PARN: variants seen among roughly 807,000 people sequenced by gnomAD.
PARN encodes poly(A)-specific ribonuclease PARN.
A neutral mutation model predicts 102.8 loss-of-function variants in PARN; 71 were observed. The observed-to-expected ratio is 0.69, with a 90% CI of 0.57 to 0.84. PARN has a LOEUF of 0.84. Among genes scored for constraint, PARN ranks in the 40% least tolerant of loss-of-function variants. The probability of loss-of-function intolerance (pLI) is 0.00; values close to 1 mark genes in which losing one functional copy is unlikely to be tolerated. For missense variants in PARN, 782 were observed against 760.9 expected, an observed-to-expected ratio of 1.03 and a Z score of -0.33; for synonymous variants, 261 against 252.9, an observed-to-expected ratio of 1.03 and a Z score of -0.30.
chr16:14,511,286 T>G (rs1170293362), intron 21 of PARN, among the ~76,000 whole-genome samples: 1 of 152,186 alleles, frequency 6.6e-6, no homozygotes, highest in African/African-American at 2.4e-5. Flanking sequence ...TGAGATAGCT[T>G]GGCTTGTTCG....
At chr16:14,627,883 C>T (rs1422722514) in intron 3 of PARN, among the ~76,000 whole-genome samples, 3 of 152,140 alleles carry the variant, frequency 2.0e-5, no homozygotes, top group Non-Finnish European at 2.9e-5. Flanking sequence ...GTGGCTTGCG[C>T]CTGTAGTCCC....
intron 21 of PARN, among the ~76,000 whole-genome samples, chr16:14,537,917 T>A (rs1261601186): frequency 6.6e-6 from 1 of 152,140 alleles, no homozygotes; most frequent in African/African-American, 2.4e-5. Flanking sequence ...TATTATATAT[T>A]TTCAAAAAGC....
intron 23 of PARN, among the ~76,000 whole-genome samples, chr16:14,437,620 A>G (rs1471753698): frequency 1.3e-5 from 2 of 152,224 alleles, no homozygotes; most frequent in African/African-American, 4.8e-5. Context: ...GAGCATGTTC[A>G]TAATGGAAAG....
At chr16:14,553,256 TAA>T (rs58411352) in intron 20 of PARN, among the ~76,000 whole-genome samples, 50,741 of 117,924 alleles carry the variant, frequency 0.43, 10,168 homozygotes, top group South Asian at 0.54. Flanking sequence ...TATTTCTATT[TAA>T]AAAAAAAAAA....
chr16:14,564,845 C>G (rs1447434587), intron 18 of PARN, among the ~76,000 whole-genome samples: 5 of 152,102 alleles, frequency 3.3e-5, no homozygotes, highest in Non-Finnish European at 5.9e-5. Context: ...GACTACACTT[C>G]CGATTTCTCA....
chr16:14,506,678 T>C (rs781155460), intron 21 of PARN, among the ~76,000 whole-genome samples: 48 of 152,286 alleles, frequency 3.2e-4, no homozygotes, highest in Non-Finnish European at 5.4e-4. Flanking sequence ...AACTTGTCTA[T>C]AGGTTTGAAA....
At chr16:14,523,184 C>A (rs1265822081) in intron 21 of PARN, among the ~76,000 whole-genome samples, 5 of 150,756 alleles carry the variant, frequency 3.3e-5, no homozygotes, top group African/African-American at 4.9e-5. Flanking sequence ...TTAAACTATG[C>A]AAAGAAAAAC....
At chr16:14,606,439 C>T (rs1971188164) in intron 10 of PARN, 45 bp downstream of exon 10, 5 of 1,082,312 alleles carry the variant, frequency 4.6e-6, no homozygotes, top group African/African-American at 1.6e-5. Flanking sequence ...AACAGTGTAA[C>T]AATGGATGTG....
chr16:14,544,334 G>A (rs948676428), intron 21 of PARN, among the ~76,000 whole-genome samples: 3 of 152,164 alleles, frequency 2.0e-5, no homozygotes, highest in Non-Finnish European at 2.9e-5. Flanking sequence ...CAGCACTTTC[G>A]GAGGTCAATG....
intron 22 of PARN, among the ~76,000 whole-genome samples, chr16:14,458,709 G>A (rs1961805303): frequency 6.6e-6 from 1 of 152,160 alleles, no homozygotes; most frequent in Non-Finnish European, 1.5e-5. Context: ...AAACGAGCAG[G>A]TGATGAGGAC....
At chr16:14,459,926 ATATC>A (rs1961871655) in intron 22 of PARN, among the ~76,000 whole-genome samples, 1 of 152,206 alleles carries the variant, frequency 6.6e-6, no homozygotes, top group African/African-American at 2.4e-5. Context: ...GAATAATTGC[ATATC>A]TATATGCAAA....
chr16:14,549,052 A>G (rs1967136282), intron 21 of PARN, among the ~76,000 whole-genome samples: 1 of 152,142 alleles, frequency 6.6e-6, no homozygotes, highest in South Asian at 2.1e-4. Flanking sequence ...TGAAGCTGAG[A>G]TAAGGCAGGA....
At chr16:14,539,531 T>C (rs945659238) in intron 21 of PARN, among the ~76,000 whole-genome samples, 5 of 152,244 alleles carry the variant, frequency 3.3e-5, no homozygotes, top group South Asian at 2.1e-4. Context: ...ATTCTCCAAA[T>C]TGAACACATT....
chr16:14,606,587 T>A, intron 9 of PARN, 61 bp from the exon 10 acceptor site: 1 of 862,810 alleles, frequency 1.2e-6, no homozygotes, highest in Non-Finnish European at 1.9e-6. Context: ...TCCCAAAGTA[T>A]TTTATAAGCA....
At chr16:14,625,032 T>C (rs1351667313) in intron 5 of PARN, among the ~76,000 whole-genome samples, 1 of 151,130 alleles carries the variant, frequency 6.6e-6, no homozygotes, top group African/African-American at 2.4e-5. Flanking sequence ...AAGAACAAAG[T>C]GCCATCCCCA....
chr16:14,507,152 C>A (rs1031548413), intron 21 of PARN, among the ~76,000 whole-genome samples: 3 of 151,616 alleles, frequency 2.0e-5, no homozygotes, highest in Non-Finnish European at 4.4e-5. Flanking sequence ...CATGGAGAAA[C>A]CCCATCTCTA....
chr16:14,446,860 C>G, intron 23 of PARN, 28 bp downstream of exon 23: 2 of 1,566,562 alleles, frequency 1.3e-6, no homozygotes, highest in Non-Finnish European at 1.7e-6. Context: ...TCCACGGCCC[C>G]AGAACTTCGG....
intron 21 of PARN, among the ~76,000 whole-genome samples, chr16:14,514,387 C>T (rs552336328): frequency 2.2e-4 from 33 of 152,148 alleles, no homozygotes; most frequent in African/African-American, 6.5e-4. Context: ...AGGGTTTCAC[C>T]GTGTTAGCCA....
intron 18 of PARN, among the ~76,000 whole-genome samples, chr16:14,564,234 G>C (rs1356197588): frequency 6.6e-6 from 1 of 152,202 alleles, no homozygotes; most frequent in East Asian, 1.9e-4. Context: ...GTGTATATAA[G>C]AGAAGCAAGT....
Sources: allele counts gnomAD v4.1 joint callset (sites outside exome capture counted in the v4.1 genomes callset), GRCh38; gene constraint gnomAD v4.1.1; transcripts MANE v1.5; gene names NCBI Gene and HGNC (gene_info 2026-07-23, HGNC 2026-07-21).